MAP3K13: variants seen among roughly 807,000 people sequenced by gnomAD.
MAP3K13 encodes the protein mitogen-activated protein kinase kinase kinase 13, also known as leucine zipper-bearing kinase.
In MAP3K13, 52 loss-of-function variants were observed where a neutral mutation model predicts 104.0. The ratio of observed to expected loss-of-function variants is 0.50; its 90% CI spans 0.40 to 0.63. The LOEUF (loss-of-function observed/expected upper bound fraction) is 0.63, where lower values mean the gene tolerates loss of function less well. Among genes scored for constraint, MAP3K13 ranks in the 20% least tolerant of loss-of-function variants. The probability of loss-of-function intolerance (pLI) is 0.00; values close to 1 mark genes in which losing one functional copy is unlikely to be tolerated. For synonymous variants in MAP3K13, 394 were observed against 442.2 expected (o/e 0.89, Z 1.37); for missense variants, 914 against 1,218.5 (o/e 0.75, Z 3.72).
chr3:185,400,905 G>GTT lies in MAP3K13; in HGVS notation c.-85-27576_-85-27575dup, dbSNP rs71164506. On this transcript the variant is annotated intron_variant, in intron 1 of 13. Transcript: ENST00000265026. ...TTAGGATAATTCTGGGTGTTTGTTT[G>GTT]TTTTTTTTTTTTTTTTTGTCTTCTT... 8.8e-3 allele frequency among the ~76,000 whole-genome samples: 941 copies of GTT among 107,178 alleles called. 9 individuals carry two copies. Among genetic ancestry groups the GTT allele is most frequent in the South Asian group, 0.014 (44 of 3,078 alleles). 70.3% of individuals were successfully genotyped at this position (107,178 alleles called of 152,430 possible). A position where few individuals can be genotyped will look rare whatever the true frequency, so the allele number is the denominator to read the frequency against.
At chr3:185,335,661 C>T (rs1437275510) in intron 2 of MAP3K13, among the ~76,000 whole-genome samples, 1 of 152,142 alleles carries the variant, frequency 6.6e-6, no homozygotes, top group African/African-American at 2.4e-5. Flanking sequence ...GTAACCTATG[C>T]ACATCCTCTC....
intron 2 of MAP3K13, among the ~76,000 whole-genome samples, chr3:185,304,759 G>A (rs1721224313): frequency 6.6e-6 from 1 of 151,982 alleles, no homozygotes; most frequent in Admixed American, 6.5e-5. Flanking sequence ...TCAGCCTCCC[G>A]AGCAGCTGGG....
intron 2 of MAP3K13, among the ~76,000 whole-genome samples, chr3:185,312,234 T>G (rs1217204806): frequency 1.3e-5 from 2 of 152,226 alleles, no homozygotes; most frequent in Non-Finnish European, 2.9e-5. Flanking sequence ...GGTAGCTACC[T>G]CCTCCAGTCA....
chr3:185,351,260 TG>T (rs781551121), intron 2 of MAP3K13, among the ~76,000 whole-genome samples: 2 of 152,190 alleles, frequency 1.3e-5, no homozygotes, highest in Non-Finnish European at 2.9e-5. Flanking sequence ...GTTTATTACC[TG>T]GGTGATGAAA....
intron 2 of MAP3K13, among the ~76,000 whole-genome samples, chr3:185,304,718 C>T (rs1158660574): frequency 6.6e-6 from 1 of 152,126 alleles, no homozygotes; most frequent in African/African-American, 2.4e-5. Flanking sequence ...AGTGCAACCT[C>T]TGCCTCCCGG....
At chr3:185,309,484 C>T (rs953408229) in intron 2 of MAP3K13, among the ~76,000 whole-genome samples, 16 of 149,532 alleles carry the variant, frequency 1.1e-4, no homozygotes, top group African/African-American at 3.7e-4. Context: ...TGCACTCCAG[C>T]CTGGTGACAA....
chr3:185,343,517 A>C (rs752866449), intron 2 of MAP3K13, among the ~76,000 whole-genome samples: 4 of 152,030 alleles, frequency 2.6e-5, no homozygotes, highest in Non-Finnish European at 5.9e-5. Context: ...CAGTGGTGTG[A>C]TCTTGGGTCA....
At chr3:185,291,030 C>T (rs1045891890) in intron 2 of MAP3K13, among the ~76,000 whole-genome samples, 4 of 152,172 alleles carry the variant, frequency 2.6e-5, no homozygotes, top group African/African-American at 9.6e-5. Flanking sequence ...GCATCATGCA[C>T]ATGTTTACAA....
chr3:185,358,218 G>T (rs1230215672), upstream of MAP3K13, among the ~76,000 whole-genome samples: 5 of 152,118 alleles, frequency 3.3e-5, no homozygotes, highest in Admixed American at 1.3e-4. Context: ...AGTTGGCTCT[G>T]AGCTTCCCAG....
chr3:185,442,787 A>G (rs949653181), intron 3 of MAP3K13, among the ~76,000 whole-genome samples: 1 of 151,234 alleles, frequency 6.6e-6, no homozygotes, highest in Non-Finnish European at 1.5e-5. Flanking sequence ...CCTGCCTCAG[A>G]CTCCCAAAGT....
At chr3:185,286,653 G>C (rs142012806) in intron 2 of MAP3K13, among the ~76,000 whole-genome samples, 1 of 152,022 alleles carries the variant, frequency 6.6e-6, no homozygotes, top group East Asian at 1.9e-4. Context: ...TTATTAACTG[G>C]GAAAACAATA....
At chr3:185,406,130 A>G (rs1318995714) in intron 1 of MAP3K13, among the ~76,000 whole-genome samples, 2 of 152,210 alleles carry the variant, frequency 1.3e-5, no homozygotes, top group African/African-American at 4.8e-5. Flanking sequence ...AGAAGAGTTT[A>G]AAAGGATTGG....
At chr3:185,399,380 G>A (rs1429124406) in intron 1 of MAP3K13, among the ~76,000 whole-genome samples, 2 of 151,642 alleles carry the variant, frequency 1.3e-5, no homozygotes, top group African/African-American at 4.9e-5. Flanking sequence ...CGAGGCCCGC[G>A]GATCATGAGG....
In MAP3K13 at chr3:185,487,999, C is replaced by G. The variant is rs2148936348; in HGVS notation, c.*5543C>G. The G allele has an allele frequency of 6.6e-6, 1 of 152,326 alleles. No homozygotes were observed. Among genetic ancestry groups the G allele is most frequent in the African/African-American group, 2.4e-5 (1 of 41,564 alleles). The allele number at this position is 152,326 out of a possible 1,614,324, so 9.4% of individuals were successfully genotyped here. A position where few individuals can be genotyped will look rare whatever the true frequency, so the allele number is the denominator to read the frequency against. On this transcript the variant is annotated 3_prime_UTR_variant, in exon 14 of 14. Transcript: ENST00000265026. ...AAGGCCACTTGCCTCTACCCACTGCCCTTTTGGACAACAATTCCAATTGAA... is the reference window on the plus strand; with the variant it reads ...AAGGCCACTTGCCTCTACCCACTGCGCTTTTGGACAACAATTCCAATTGAA...
intron 2 of MAP3K13, among the ~76,000 whole-genome samples, chr3:185,321,746 G>A (rs189836465): frequency 1.5e-3 from 234 of 152,256 alleles, no homozygotes; most frequent in African/African-American, 5.3e-3. Flanking sequence ...TGGGATTACA[G>A]GCATGCGCCA....
intron 2 of MAP3K13, chr3:185,292,599 T>C (rs973776910): frequency 2.1e-6 from 2 of 940,748 alleles, no homozygotes; most frequent in Non-Finnish European, 2.5e-6. Context: ...TGAAAAGACA[T>C]ATATAAAATG....
chr3:185,453,410 C>G (rs919322386), intron 7 of MAP3K13, among the ~76,000 whole-genome samples: 2 of 152,112 alleles, frequency 1.3e-5, no homozygotes, highest in Admixed American at 6.6e-5. Flanking sequence ...CATAGCCCCC[C>G]ATCCCTGAAG....
chr3:185,287,568 A>T (rs911275936), intron 2 of MAP3K13, among the ~76,000 whole-genome samples: 5 of 152,136 alleles, frequency 3.3e-5, no homozygotes, highest in Non-Finnish European at 7.3e-5. Context: ...TAGTAGTAAT[A>T]GATAAGTAAA....
chr3:185,346,992 T>G (rs1361544600), intron 2 of MAP3K13, among the ~76,000 whole-genome samples: 1 of 150,700 alleles, frequency 6.6e-6, no homozygotes, highest in Non-Finnish European at 1.5e-5. Context: ...AGGAAGTTTT[T>G]TTTTTTTTTT....
Sources: gnomAD v4.1 joint callset for allele counts (sites outside exome capture counted in the v4.1 genomes callset) on GRCh38, gnomAD v4.1.1 for gene constraint, MANE v1.5 for transcripts, NCBI Gene and HGNC (gene_info 2026-07-23, HGNC 2026-07-21) for gene names.